The following MRTFA variants were observed in gnomAD, a reference collection of about 807,000 sequenced individuals.
The protein encoded by MRTFA is myocardin related transcription factor A.
MRTFA carries 20 observed loss-of-function variants against 83.5 expected under a neutral mutation model. The ratio of observed to expected loss-of-function variants is 0.24; its 90% confidence interval spans 0.17 to 0.35. The LOEUF (loss-of-function observed/expected upper bound fraction) is 0.35. Ranked by LOEUF, MRTFA falls within the 10% of genes least tolerant of loss-of-function variation. MRTFA has a pLI of 1.00. For synonymous variants in MRTFA, 659 were observed against 541.2 expected (o/e 1.22, Z -3.02); for missense variants, 1,200 against 1,224.7 (o/e 0.98, Z 0.30).
intron 4 of MRTFA, among the ~76,000 whole-genome samples, chr22:40,451,655 C>T (rs770339828): frequency 2.6e-5 from 4 of 152,098 alleles, no homozygotes; most frequent in Non-Finnish European, 4.4e-5. Context: ...GCACGAGTAT[C>T]GACACAGGGA....
intron 2 of MRTFA, among the ~76,000 whole-genome samples, chr22:40,565,155 C>T (rs2055684404): frequency 6.6e-6 from 1 of 152,134 alleles, no homozygotes; most frequent in African/African-American, 2.4e-5. Context: ...TATACCATTC[C>T]CAACAAGCCC....
At chr22:40,495,328 T>C (rs995464659) in intron 3 of MRTFA, among the ~76,000 whole-genome samples, 1 of 152,004 alleles carries the variant, frequency 6.6e-6, no homozygotes, top group African/African-American at 2.4e-5. Context: ...GGCGGGCGCC[T>C]GTAGTCCCAG....
At position 40,411,618 on chromosome 22, in the gene MRTFA, G is replaced by A. The variant is rs2052541244; in HGVS notation, c.2868C>T (p.His956=). The A allele has an allele frequency of 1.4e-5, 22 of 1,613,582 alleles. No homozygotes were observed. Among genetic ancestry groups the A allele is most frequent in the Middle Eastern group, 1.6e-4 (1 of 6,084 alleles). Residue 956 remains histidine (H), a synonymous_variant, in exon 15 of 15, where the codon CAC becomes CAT. Transcript: ENST00000355630. ...CCGAGGTGTCCATGGGTGACGGGGGGTGGTCCAGGATGGCAGTGCTGCTCA... is the reference window on the plus strand; with the variant it reads ...CCGAGGTGTCCATGGGTGACGGGGGATGGTCCAGGATGGCAGTGCTGCTCA...
At chr22:40,433,314 T>C (rs2053106249) in intron 5 of MRTFA, 1 of 152,324 alleles carries the variant, frequency 6.6e-6, no homozygotes, top group Non-Finnish European at 1.5e-5. Flanking sequence ...CTGAAGCACA[T>C]TTGTGTCGAA....
At position 40,416,796 on chromosome 22, in the gene MRTFA, G is replaced by A. The variant is rs938755279; in HGVS notation, c.2578+190C>T. On this transcript the variant is annotated intron_variant, in intron 14 of 14. Transcript: ENST00000355630. The surrounding 1 kb of genome is among the most constrained non-coding windows in gnomAD (Gnocchi z 4.2). ...CTTGGGGCAGTGCTTCCAGCTGAAG[G>A]ACGGCACCTTCCCTGGTCCTCTCGC... Among the ~76,000 whole-genome samples the A allele has an allele frequency of 1.3e-5, 2 of 152,266 alleles. No homozygotes were observed. Among genetic ancestry groups the A allele is most frequent in the Non-Finnish European group, 2.9e-5 (2 of 68,042 alleles).
intron 4 of MRTFA, among the ~76,000 whole-genome samples, chr22:40,448,119 G>A (rs1173710445): frequency 2.0e-5 from 3 of 152,202 alleles, no homozygotes; most frequent in African/African-American, 7.2e-5. Context: ...AGAGCATCCT[G>A]GCCAACACGG....
At position 40,615,518 on chromosome 22, in the gene MRTFA, T is replaced by A. The variant is rs2056438437; in HGVS notation, c.-83-20783A>T. On this transcript the variant is annotated intron_variant, in intron 1 of 14. Transcript: ENST00000355630. ...TTCTCCCCAAAAAGTCCTGCTGAGA[T>A]TTTGGGGAAGACACAATCTTTAGAT... is the stretch of plus-strand genomic sequence containing the variant. 3.3e-5 allele frequency among the ~76,000 whole-genome samples: 5 copies of A among 152,284 alleles called. No individual in the cohort carries two copies. In the South Asian group the frequency reaches 1.0e-3, roughly 32 times the overall value.
chr22:40,571,101 C>T (rs1016526400), intron 2 of MRTFA, among the ~76,000 whole-genome samples: 1 of 146,462 alleles, frequency 6.8e-6, no homozygotes, highest in African/African-American at 2.5e-5. Flanking sequence ...CCCAGCTACT[C>T]AGGAGGTTGA....
chr22:40,436,549 G>A (rs767286793), intron 4 of MRTFA, among the ~76,000 whole-genome samples: 13 of 152,138 alleles, frequency 8.5e-5, no homozygotes, highest in Non-Finnish European at 1.9e-4. Flanking sequence ...CACAAGTCTC[G>A]ACTTCTGCAA....
At chr22:40,597,623 G>A (rs2056209100) in intron 1 of MRTFA, among the ~76,000 whole-genome samples, 1 of 152,190 alleles carries the variant, frequency 6.6e-6, no homozygotes, top group Non-Finnish European at 1.5e-5. Context: ...TATGGTAGGA[G>A]TTTAAGAAGT....
chr22:40,504,832 A>C (rs1320060562), intron 3 of MRTFA, among the ~76,000 whole-genome samples: 1 of 152,212 alleles, frequency 6.6e-6, no homozygotes. Flanking sequence ...GAGGAAACTC[A>C]GTCCCGCCAC....
chr22:40,458,928 G>C (rs749724369), intron 4 of MRTFA, among the ~76,000 whole-genome samples: 1 of 151,960 alleles, frequency 6.6e-6, no homozygotes, highest in Admixed American at 6.6e-5. Context: ...ACAAAAATTA[G>C]CTGGGTATGG....
intron 9 of MRTFA, 103 bp from the exon 10 acceptor site, chr22:40,421,203 C>T (rs1305624753): frequency 1.5e-6 from 2 of 1,321,616 alleles, no homozygotes; most frequent in Non-Finnish European, 1.0e-6. Flanking sequence ...AGAAGACATC[C>T]CCATCCACAC....
chr22:40,500,186 C>T (rs563474562), intron 3 of MRTFA, among the ~76,000 whole-genome samples: 1 of 150,672 alleles, frequency 6.6e-6, no homozygotes, highest in South Asian at 2.1e-4. Context: ...ACCTCGGCCT[C>T]CCAAAGTGCT....
chr22:40,519,899 A>AT (rs1206907826), intron 3 of MRTFA, among the ~76,000 whole-genome samples: 1 of 152,256 alleles, frequency 6.6e-6, no homozygotes, highest in Non-Finnish European at 1.5e-5. Flanking sequence ...CCTAAAGGTC[A>AT]TTTTAAGCTT....
chr22:40,601,712 C>A (rs1602482987), intron 1 of MRTFA, among the ~76,000 whole-genome samples: 1 of 152,168 alleles, frequency 6.6e-6, no homozygotes, highest in African/African-American at 2.4e-5. Flanking sequence ...TGAAGATCAG[C>A]TGGGTATGGT....
chr22:40,411,799 TCAG>T lies in MRTFA; in HGVS notation c.2684_2686del (p.Ala895del), dbSNP rs768045951. On this transcript the variant is annotated inframe_deletion, in exon 15 of 15. Transcript: ENST00000355630. The stretch of plus-strand genomic sequence containing the variant: ...AGGAGGTGGGGCAGCCTGGGGGAGC[TCAG>T]CAGAAGGTGATGGCTGTGCTGCCAG... The T allele has an allele frequency of 1.3e-6, 2 of 1,525,434 alleles. No homozygotes were observed. Among genetic ancestry groups the T allele is most frequent in the Non-Finnish European group, 1.8e-6 (2 of 1,131,982 alleles). 94.5% of individuals were successfully genotyped at this position (1,525,434 alleles called of 1,614,324 possible).
chr22:40,625,084 T>G (rs1026213603), intron 1 of MRTFA, among the ~76,000 whole-genome samples: 8 of 152,218 alleles, frequency 5.3e-5, no homozygotes, highest in African/African-American at 1.9e-4. Flanking sequence ...ATACATTATG[T>G]TCTTGGTTCC....
At chr22:40,573,081 T>C (rs765506285) in intron 2 of MRTFA, among the ~76,000 whole-genome samples, 3 of 151,892 alleles carry the variant, frequency 2.0e-5, no homozygotes, top group Non-Finnish European at 2.9e-5. Flanking sequence ...TCCACAGAGA[T>C]AGAAAGTAGA....
Sources: allele counts gnomAD v4.1 joint callset (sites outside exome capture counted in the v4.1 genomes callset), GRCh38; gene constraint gnomAD v4.1.1; non-coding constraint Gnocchi (gnomAD v3.1); transcripts MANE v1.5; gene names NCBI Gene and HGNC (gene_info 2026-07-23, HGNC 2026-07-21).